The following TSBP1 variants were observed in gnomAD, a reference collection of about 807,000 sequenced individuals.
TSBP1 encodes the protein testis expressed basic protein 1, also known as testis-expressed basic protein 1.
Under a neutral mutation model 68.8 loss-of-function variants are expected in TSBP1, and 56 were observed. The observed-to-expected ratio is 0.81, with a 90% CI of 0.66 to 1.02. TSBP1 has a LOEUF of 1.02. TSBP1 is among the 50% of genes least tolerant of loss of function. The pLI is 0.00. For missense variants in TSBP1, 502 were observed against 641.2 expected, an observed-to-expected ratio of 0.78 and a Z score of 2.34; for synonymous variants, 171 against 208.7, an observed-to-expected ratio of 0.82 and a Z score of 1.56.
rs559437349 is a variant in TSBP1 at position 32,307,161 on chromosome 6, A to G, written c.581-4532T>C. ...TCTTGAGCTCATGTTTAGTTCATCA[A>G]TTTTTATTAATGAATAATTTCTATT... is the stretch of plus-strand genomic sequence containing the variant. On this transcript the variant is annotated intron_variant, in intron 19 of 22. Coordinates refer to ENST00000612031, the Ensembl canonical transcript of TSBP1. Among the ~76,000 whole-genome samples, 143 of 152,022 alleles carry G rather than the reference A, an allele frequency of 9.4e-4. 2 individuals are homozygous for G. The highest frequency in any genetic ancestry group is 3.3e-3 in the African/African-American group (138 of 41,480).
intron 16 of TSBP1, among the ~76,000 whole-genome samples, chr6:32,324,994 C>G (rs1423882653): frequency 1.3e-5 from 2 of 152,000 alleles, no homozygotes; most frequent in African/African-American, 4.8e-5. Flanking sequence ...GATGACTTAT[C>G]TAGAAAGCAG....
rs2127604673 is a variant in TSBP1, at chr6:32,335,537, T to C, written c.452-80A>G. 1 of 1,033,332 alleles carries C rather than the reference T, an allele frequency of 9.7e-7. No homozygotes were observed. Among genetic ancestry groups the C allele is most frequent in the South Asian group, 3.4e-5 (1 of 29,250 alleles). 64.0% of individuals were successfully genotyped at this position (1,033,332 alleles called of 1,614,324 possible). ...TTTTATTTATATACTTTAATTTGTATACTTTCCCTAGTAGGAATCTGCATC... is the reference window on the plus strand; with the variant it reads ...TTTTATTTATATACTTTAATTTGTACACTTTCCCTAGTAGGAATCTGCATC... On this transcript the variant is annotated intron_variant, in intron 13 of 22. Transcript: ENST00000612031. This position sits in a 1 kb window ranked among gnomAD's most constrained non-coding sequence, Gnocchi z 5.5.
At chr6:32,350,653 T>A (rs549114115) in intron 8 of TSBP1, among the ~76,000 whole-genome samples, 1 of 152,320 alleles carries the variant, frequency 6.6e-6, no homozygotes, top group South Asian at 2.1e-4. Flanking sequence ...CTGTTTAATA[T>A]GTTAGGTTAC....
intron 6 of TSBP1, among the ~76,000 whole-genome samples, chr6:32,363,985 T>A (rs1469365340): frequency 1.3e-5 from 2 of 152,200 alleles, no homozygotes; most frequent in East Asian, 3.8e-4. Flanking sequence ...TTCTCAGATC[T>A]GAAAAACAGC....
At chr6:32,362,116 C>G (rs1773098856) in intron 6 of TSBP1, among the ~76,000 whole-genome samples, 1 of 151,946 alleles carries the variant, frequency 6.6e-6, no homozygotes, top group Non-Finnish European at 1.5e-5. Flanking sequence ...CGGTGAAACC[C>G]TGTCTCTACT....
chr6:32,298,104 G>T (rs114355928), intron 22 of TSBP1, among the ~76,000 whole-genome samples: 2,559 of 151,748 alleles, frequency 0.017, 38 homozygotes, highest in Non-Finnish European at 0.026. Context: ...ATTAGTCAGG[G>T]TTCTTCTGAG....
chr6:32,329,805 T>C (rs1768709614), intron 16 of TSBP1, among the ~76,000 whole-genome samples: 1 of 152,130 alleles, frequency 6.6e-6, no homozygotes, highest in Admixed American at 6.5e-5. Context: ...AACTTTCTAA[T>C]GCTATCCCTT....
intron 22 of TSBP1, among the ~76,000 whole-genome samples, chr6:32,298,278 C>A (rs1165866302): frequency 6.6e-6 from 1 of 152,034 alleles, no homozygotes; most frequent in African/African-American, 2.4e-5. Flanking sequence ...TACCATGAAT[C>A]AAAAGAAATT....
intron 19 of TSBP1, among the ~76,000 whole-genome samples, chr6:32,310,761 A>ATATATATATATATATTTTT: frequency 8.3e-5 from 12 of 144,834 alleles, no homozygotes; most frequent in Middle Eastern, 3.7e-3. Flanking sequence ...ATATATATAT[A>ATATATATATATATATTTTT]TTTTTAATCT....
At chr6:32,329,044 T>A (rs1768606928) in intron 16 of TSBP1, among the ~76,000 whole-genome samples, 1 of 152,226 alleles carries the variant, frequency 6.6e-6, no homozygotes, top group South Asian at 2.1e-4. Context: ...TTCTTCCTAC[T>A]CTTCTTTACT....
chr6:32,309,283 TTC>T (rs1457671059), intron 19 of TSBP1, among the ~76,000 whole-genome samples: 1 of 152,152 alleles, frequency 6.6e-6, no homozygotes, highest in Non-Finnish European at 1.5e-5. Flanking sequence ...CTTCTCTTCC[TTC>T]TCTTTTTTTT....
At chr6:32,370,837 G>A (rs1293102870) in intron 1 of TSBP1, among the ~76,000 whole-genome samples, 1 of 48,148 alleles carries the variant, frequency 2.1e-5, no homozygotes, top group Non-Finnish European at 4.6e-5. Flanking sequence ...ATGAAGGATC[G>A]GGGGAGAAAA....
At chr6:32,369,489 G>A (rs1008128594) in intron 2 of TSBP1, among the ~76,000 whole-genome samples, 6 of 150,274 alleles carry the variant, frequency 4.0e-5, no homozygotes, top group African/African-American at 1.2e-4. Context: ...TCCTGCCTCA[G>A]TCTCCCGAGC....
In TSBP1 at chr6:32,343,726, C is replaced by T. The variant is rs561793076; in HGVS notation, c.350-4088G>A. On this transcript the variant is annotated intron_variant, in intron 9 of 22. Coordinates refer to ENST00000612031, the Ensembl canonical transcript of TSBP1. The surrounding 1 kb of genome is among the most constrained non-coding windows in gnomAD (Gnocchi z 4.3). ...CAGTTTTAGCTTCCAGTTTGCTTGA[C>T]TTTAAGTTCAGCACGTTTTCCTTCA... Among the ~76,000 whole-genome samples the T allele has an allele frequency of 6.3e-4, 96 of 152,332 alleles. No homozygotes were observed. The highest frequency in any genetic ancestry group is 2.0e-3 in the African/African-American group (83 of 41,586).
chr6:32,350,169 C>T (rs767132387), intron 8 of TSBP1: 16 of 487,086 alleles, frequency 3.3e-5, no homozygotes, highest in African/African-American at 1.9e-4. Flanking sequence ...TCCCTTTGTT[C>T]GAAAAGATTT....
At position 32,302,517 on chromosome 6, in the gene TSBP1, C is replaced by T; in HGVS notation, c.601+92G>A. On this transcript the variant is annotated intron_variant, in intron 20 of 22. Transcript: ENST00000612031. The surrounding 1 kb of genome is among the most constrained non-coding windows in gnomAD (Gnocchi z 5.1). ...AACACAAAAACCCAGCAAACAAAAA[C>T]AAACATAAAACATTAAAAACATTTG... is the stretch of plus-strand genomic sequence containing the variant. 1 of 888,160 alleles carries T rather than the reference C, an allele frequency of 1.1e-6. No individual in the cohort carries two copies. Among genetic ancestry groups the T allele is most frequent in the East Asian group, 2.5e-5 (1 of 40,188 alleles). The allele number at this position is 888,160 out of a possible 1,614,324, so 55.0% of individuals were successfully genotyped here. A position where few individuals can be genotyped will look rare whatever the true frequency, so the allele number is the denominator to read the frequency against.
chr6:32,334,808 C>T (rs1049634576), intron 14 of TSBP1, among the ~76,000 whole-genome samples: 12 of 152,102 alleles, frequency 7.9e-5, no homozygotes, highest in African/African-American at 1.4e-4. Flanking sequence ...CTGAGGCGGG[C>T]GGATCACGAG....
At position 32,323,630 on chromosome 6, in the gene TSBP1, G is replaced by C. The variant is rs9501610; in HGVS notation, c.515-16C>G. On this transcript the variant is annotated splice_polypyrimidine_tract_variant and intron_variant, in intron 16 of 22. Transcript: ENST00000612031. ...GGTGGACCAGCTGAAAAACAGAGAG[G>C]TATCTTAGCAACTGTTTTTTCTCCC... 0.014 allele frequency: 22,485 copies of C among 1,611,084 alleles called. 606 individuals are homozygous for C. Among genetic ancestry groups the C allele is most frequent in the African/African-American group, 0.076 (5,696 of 74,850 alleles).
chr6:32,313,558 G>T (rs940999034), intron 19 of TSBP1, among the ~76,000 whole-genome samples: 1 of 152,032 alleles, frequency 6.6e-6, no homozygotes, highest in Admixed American at 6.6e-5. Flanking sequence ...TCTCCAATTT[G>T]TTGGGACTTG....
Sources: allele counts gnomAD v4.1 joint callset (sites outside exome capture counted in the v4.1 genomes callset), GRCh38; gene constraint gnomAD v4.1.1; non-coding constraint Gnocchi (gnomAD v3.1); transcripts MANE v1.5; gene names NCBI Gene and HGNC (gene_info 2026-07-23, HGNC 2026-07-21).